The following SAMMSON variants were observed in gnomAD, a reference collection of about 807,000 sequenced individuals.
The protein encoded by SAMMSON is survival associated mitochondrial melanoma specific oncogenic non-coding RNA.
intron 6 of SAMMSON, among the ~76,000 whole-genome samples, chr3:70,254,985 C>G (rs1364189505): frequency 4.6e-5 from 7 of 152,118 alleles, no homozygotes; most frequent in African/African-American, 1.7e-4. Context: ...CAGTAATAGA[C>G]TGATGGACAT....
chr3:70,009,081 G>T (rs2066942494), intron 1 of SAMMSON: 1 of 152,214 alleles, frequency 6.6e-6, no homozygotes, highest in African/African-American at 2.4e-5. Flanking sequence ...GTTCGTCAGG[G>T]ATATTGGTCT....
At chr3:70,334,305 GGATT>G (rs144451051) in intron 7 of SAMMSON, among the ~76,000 whole-genome samples, 17,055 of 151,930 alleles carry the variant, frequency 0.11, 1,050 homozygotes, top group South Asian at 0.16. Context: ...TTTAAAATAT[GGATT>G]TATTTCCACT....
intron 7 of SAMMSON, among the ~76,000 whole-genome samples, chr3:70,327,286 A>G (rs940799332): frequency 1.3e-5 from 2 of 152,230 alleles, no homozygotes; most frequent in Non-Finnish European, 2.9e-5. Flanking sequence ...AAAACAAACA[A>G]GCATACAAAC....
At chr3:70,329,506 AT>A (rs1441963062) in intron 7 of SAMMSON, among the ~76,000 whole-genome samples, 1 of 152,060 alleles carries the variant, frequency 6.6e-6, no homozygotes, top group African/African-American at 2.4e-5. Flanking sequence ...CATGATTATT[AT>A]AAAAATATTG....
In SAMMSON at chr3:70,230,537, T is replaced by C. The variant is rs190341196; in HGVS notation, n.508-18570T>C. On this transcript the variant is annotated intron_variant and non_coding_transcript_variant, in intron 4 of 9. Transcript: ENST00000642114. Reference sequence around the variant, plus strand: ...ATACAGTTTTGCAATCCTAGCCTAATAGATGTTTGAATAATGGAACTCTCT... The same window carrying C: ...ATACAGTTTTGCAATCCTAGCCTAACAGATGTTTGAATAATGGAACTCTCT... Among the ~76,000 whole-genome samples the C allele has an allele frequency of 1.3e-3, 191 of 152,296 alleles. 2 individuals carry two copies. Among genetic ancestry groups the C allele is most frequent in the East Asian group, 5.4e-3 (28 of 5,186 alleles).
intron 4 of SAMMSON, among the ~76,000 whole-genome samples, chr3:70,235,525 A>T (rs1701598851): frequency 6.6e-6 from 1 of 152,228 alleles, no homozygotes; most frequent in South Asian, 2.1e-4. Context: ...CTAATCACCA[A>T]ATCAATGATC....
chr3:70,313,675 A>G (rs941453764), intron 7 of SAMMSON, among the ~76,000 whole-genome samples: 2 of 152,086 alleles, frequency 1.3e-5, no homozygotes, highest in Non-Finnish European at 2.9e-5. Flanking sequence ...CTTTACCTGG[A>G]CAATTGTCCA....
At chr3:70,207,399 G>A (rs976934273) in intron 4 of SAMMSON, among the ~76,000 whole-genome samples, 1 of 151,882 alleles carries the variant, frequency 6.6e-6, no homozygotes, top group Non-Finnish European at 1.5e-5. Context: ...ATGCTTCTTG[G>A]GAACATGCTT....
chr3:70,270,242 T>C (rs971460543), intron 6 of SAMMSON, among the ~76,000 whole-genome samples: 1 of 152,334 alleles, frequency 6.6e-6, no homozygotes, highest in East Asian at 1.9e-4. Flanking sequence ...ACAAATGAGT[T>C]CTTTCAAGTT....
intron 4 of SAMMSON, among the ~76,000 whole-genome samples, chr3:70,114,681 A>G (rs2067402937): frequency 6.6e-6 from 1 of 152,226 alleles, no homozygotes; most frequent in Non-Finnish European, 1.5e-5. Flanking sequence ...TGAGAAATGA[A>G]GACACTGGGG....
chr3:70,038,717 T>C (rs746361532), intron 3 of SAMMSON, among the ~76,000 whole-genome samples: 5 of 152,200 alleles, frequency 3.3e-5, no homozygotes, highest in Non-Finnish European at 7.3e-5. Flanking sequence ...TTAAAGTATT[T>C]ATTTTTAGAT....
At chr3:70,294,793 C>T (rs757849637) in intron 7 of SAMMSON, among the ~76,000 whole-genome samples, 3 of 152,068 alleles carry the variant, frequency 2.0e-5, no homozygotes, top group Non-Finnish European at 4.4e-5. Flanking sequence ...TGGCTTTTTG[C>T]TCAGTCTGGC....
At chr3:70,279,894 T>C (rs2106680377) in intron 6 of SAMMSON, among the ~76,000 whole-genome samples, 1 of 152,296 alleles carries the variant, frequency 6.6e-6, no homozygotes, top group Non-Finnish European at 1.5e-5. Context: ...TGTCAAATGG[T>C]GGCCAGAAGA....
intron 4 of SAMMSON, chr3:70,172,240 C>T (rs1700964290): frequency 6.6e-6 from 1 of 150,996 alleles, no homozygotes; most frequent in African/African-American, 2.4e-5. Flanking sequence ...CAGATTTTCC[C>T]CCCAAATTGT....
At chr3:70,379,738 G>A (rs1197187959) in intron 9 of SAMMSON, among the ~76,000 whole-genome samples, 2 of 152,054 alleles carry the variant, frequency 1.3e-5, no homozygotes, top group African/African-American at 2.4e-5. Flanking sequence ...TACTGAAGAC[G>A]AGTCTGGGCA....
chr3:70,016,022 A>G (rs1446469541), intron 3 of SAMMSON, among the ~76,000 whole-genome samples: 1 of 152,188 alleles, frequency 6.6e-6, no homozygotes, highest in African/African-American at 2.4e-5. Flanking sequence ...CGCAATAAAC[A>G]TACATGTGCT....
intron 7 of SAMMSON, among the ~76,000 whole-genome samples, chr3:70,295,520 T>C (rs932270943): frequency 6.6e-6 from 1 of 151,864 alleles, no homozygotes; most frequent in Admixed American, 6.6e-5. Flanking sequence ...CTGGGAAACA[T>C]AGTGAGATCC....
chr3:70,131,235 G>A (rs2067481251), intron 4 of SAMMSON, among the ~76,000 whole-genome samples: 1 of 152,150 alleles, frequency 6.6e-6, no homozygotes, highest in Non-Finnish European at 1.5e-5. Flanking sequence ...AATTCATAGA[G>A]CATTCTCAGG....
At chr3:70,020,287 C>T (rs1000988388) in intron 3 of SAMMSON, among the ~76,000 whole-genome samples, 2 of 152,044 alleles carry the variant, frequency 1.3e-5, no homozygotes, top group Non-Finnish European at 2.9e-5. Context: ...CAATCAAGAG[C>T]TAAGAGATTA....
Sources: gnomAD v4.1 joint callset for allele counts (sites outside exome capture counted in the v4.1 genomes callset) on GRCh38, gnomAD v4.1.1 for gene constraint, MANE v1.5 for transcripts, NCBI Gene and HGNC (gene_info 2026-07-23, HGNC 2026-07-21) for gene names.